TP53BP2: variants seen among roughly 807,000 people sequenced by gnomAD.
TP53BP2 encodes the protein apoptosis-stimulating of p53 protein 2.
TP53BP2 carries 62 observed loss-of-function variants against 126.2 expected under a neutral mutation model. That is an observed-to-expected ratio of 0.49 (90% CI 0.40 to 0.61). The LOEUF (loss-of-function observed/expected upper bound fraction) is 0.61, where lower values mean the gene tolerates loss of function less well. TP53BP2 is among the 20% of genes least tolerant of loss of function. The pLI, the probability that TP53BP2 is intolerant of heterozygous loss-of-function variation, is 0.00. For missense variants in TP53BP2, 1,215 were observed against 1,402.8 expected (o/e 0.87, Z 2.14); for synonymous variants, 485 against 502.9 (o/e 0.96, Z 0.48).
rs1392247444 is a variant in TP53BP2 at position 223,796,565 on chromosome 1, A to T, written c.1974T>A (p.Ala658=). Residue 658 remains alanine, a synonymous_variant, in exon 13 of 18, where the codon GCT becomes GCA. Transcript: ENST00000343537. The surrounding 1 kb of genome is among the most constrained non-coding windows in gnomAD (Gnocchi z 4.2). ...SSVYGKPVIA[A]AQNQQQHPEN... The stretch of plus-strand genomic sequence containing the variant: ...CTGGGTGCTGCTGTTGATTCTGGGC[A>T]GCAGCAATTACAGGCTTACCATATA... 1 of 1,611,310 alleles carries T rather than the reference A, an allele frequency of 6.2e-7. No individual in the cohort carries two copies.
chr1:223,793,271 CAAA>C, intron 14 of TP53BP2, 29 bp downstream of exon 14: 1 of 1,192,726 alleles, frequency 8.4e-7, no homozygotes, highest in South Asian at 1.7e-5. Flanking sequence ...GACTCTGACT[CAAA>C]AAAAAAAATT....
intron 1 of TP53BP2, among the ~76,000 whole-genome samples, chr1:223,830,298 C>A (rs1446062218): frequency 6.6e-6 from 1 of 152,154 alleles, no homozygotes; most frequent in African/African-American, 2.4e-5. Flanking sequence ...AGAAAGTTTT[C>A]AATTCTGGAG....
chr1:223,784,993 A>T (rs1186553533), intron 16 of TP53BP2, among the ~76,000 whole-genome samples: 1 of 152,186 alleles, frequency 6.6e-6, no homozygotes, highest in Non-Finnish European at 1.5e-5. Context: ...AGAGTTAGTA[A>T]CAGATTTGCA....
chr1:223,804,517 T>C (rs911148320), intron 5 of TP53BP2, among the ~76,000 whole-genome samples, 169 bp from the exon 6 acceptor site: 1 of 152,196 alleles, frequency 6.6e-6, no homozygotes, highest in African/African-American at 2.4e-5. Flanking sequence ...GGAAGTCTGT[T>C]CAAAACAGAT....
At chr1:223,831,520 G>T (rs1255897368) in intron 1 of TP53BP2, among the ~76,000 whole-genome samples, 1 of 93,806 alleles carries the variant, frequency 1.1e-5, no homozygotes, top group Admixed American at 1.2e-4. Context: ...TATATATACT[G>T]ACCTGTATGA....
chr1:223,828,757 A>AT (rs1223406557), intron 1 of TP53BP2, among the ~76,000 whole-genome samples: 6 of 152,226 alleles, frequency 3.9e-5, no homozygotes, highest in African/African-American at 1.4e-4. Context: ...ATATAATTCC[A>AT]TTTATATGAA....
At chr1:223,829,011 G>A (rs925777413) in intron 1 of TP53BP2, among the ~76,000 whole-genome samples, 4 of 151,930 alleles carry the variant, frequency 2.6e-5, no homozygotes, top group Non-Finnish European at 1.5e-5. Flanking sequence ...AGAGCCCACC[G>A]TATGCTTAGT....
At chr1:223,810,280 A>T (rs1207014563) in intron 4 of TP53BP2, 151 bp downstream of exon 4, 1 of 531,452 alleles carries the variant, frequency 1.9e-6, no homozygotes. Context: ...GATCATTAAA[A>T]TTAATAGTTT....
chr1:223,823,435 C>T (rs1472326602), intron 1 of TP53BP2, among the ~76,000 whole-genome samples: 1 of 152,160 alleles, frequency 6.6e-6, no homozygotes, highest in Admixed American at 6.5e-5. Flanking sequence ...TGTTAACTCA[C>T]ATGAACAGGT....
chr1:223,786,627 G>A (rs899001638), intron 16 of TP53BP2, among the ~76,000 whole-genome samples: 3 of 142,712 alleles, frequency 2.1e-5, no homozygotes, highest in African/African-American at 8.1e-5. Context: ...TTTCCCCCGA[G>A]ATGGAGTCTC....
chr1:223,810,144 A>C (rs1036096033), intron 4 of TP53BP2, among the ~76,000 whole-genome samples: 1 of 152,176 alleles, frequency 6.6e-6, no homozygotes, highest in African/African-American at 2.4e-5. Context: ...ATTTTTAATA[A>C]AGTGATGATT....
intron 2 of TP53BP2, among the ~76,000 whole-genome samples, chr1:223,814,932 GTC>G (rs1200936347): frequency 2.0e-5 from 3 of 151,970 alleles, no homozygotes; most frequent in Admixed American, 6.6e-5. Flanking sequence ...GAATACCAGT[GTC>G]AGAATTTTTC....
chr1:223,793,229 C>A, intron 14 of TP53BP2, 74 bp downstream of exon 14: 129 of 1,050,636 alleles, frequency 1.2e-4, no homozygotes, highest in East Asian at 3.9e-4. Flanking sequence ...TAAAAATTTA[C>A]TAATTATACT....
At chr1:223,821,961 G>A (rs1663328655) in intron 1 of TP53BP2, among the ~76,000 whole-genome samples, 3 of 151,530 alleles carry the variant, frequency 2.0e-5, no homozygotes, top group South Asian at 2.1e-4. Flanking sequence ...GCATGATCTC[G>A]GCTCACTGCA....
At chr1:223,823,744 A>G (rs1218668534) in intron 1 of TP53BP2, among the ~76,000 whole-genome samples, 1 of 152,244 alleles carries the variant, frequency 6.6e-6, no homozygotes, top group African/African-American at 2.4e-5. Context: ...CCCAAAGTAT[A>G]CAGCATATTC....
Position 223,845,810 on chromosome 1 carries a change from G to C in TP53BP2, c.-130C>G, listed in dbSNP as rs1664258745. 7.9e-6 allele frequency: 7 copies of C among 887,024 alleles called. No homozygotes were observed. The highest frequency in any genetic ancestry group is 1.0e-5 in the Non-Finnish European group (7 of 683,370). 54.9% of individuals were successfully genotyped at this position (887,024 alleles called of 1,614,324 possible). A position where few individuals can be genotyped will look rare whatever the true frequency, so the allele number is the denominator to read the frequency against. ...AGGCGGCGGCGGCGGCAGCGGCGGCGCGCGGGTCCGAAGGGCCCTCCGCGC... is the reference window on the plus strand; with the variant it reads ...AGGCGGCGGCGGCGGCAGCGGCGGCCCGCGGGTCCGAAGGGCCCTCCGCGC... On this transcript the variant is annotated 5_prime_UTR_variant, in exon 1 of 18. Transcript: ENST00000343537.
intron 11 of TP53BP2, 65 bp from the exon 12 acceptor site, chr1:223,798,742 T>C (rs1453899446): frequency 7.6e-7 from 1 of 1,319,132 alleles, no homozygotes; most frequent in African/African-American, 1.5e-5. Context: ...ATGTTCTAGA[T>C]AACCTAATTT....
chr1:223,823,215 G>A (rs193296628), intron 1 of TP53BP2, among the ~76,000 whole-genome samples: 186 of 152,286 alleles, frequency 1.2e-3, no homozygotes, highest in African/African-American at 4.4e-3. Flanking sequence ...CAACTTAAAT[G>A]TCTCTGCCCA....
chr1:223,828,163 T>C (rs1322712274), intron 1 of TP53BP2, among the ~76,000 whole-genome samples: 3 of 152,208 alleles, frequency 2.0e-5, no homozygotes, highest in Non-Finnish European at 4.4e-5. Context: ...GTTTCCTGCA[T>C]CTGATACCAA....
Sources: allele counts gnomAD v4.1 joint callset (sites outside exome capture counted in the v4.1 genomes callset), GRCh38; gene constraint gnomAD v4.1.1; non-coding constraint Gnocchi (gnomAD v3.1); transcripts MANE v1.5; gene names NCBI Gene and HGNC (gene_info 2026-07-23, HGNC 2026-07-21).